Variants in ZNF385D observed in about 807,000 individuals in gnomAD.
ZNF385D encodes zinc finger protein 385D.
ZNF385D carries 15 observed loss-of-function variants against 35.8 expected under a neutral mutation model. The observed-to-expected ratio is 0.42, with a 90% confidence interval of 0.28 to 0.64. The LOEUF is 0.64. Among genes scored for constraint, ZNF385D ranks in the 30% least tolerant of loss-of-function variants. The probability of loss-of-function intolerance (pLI) is 0.23; values close to 1 mark genes in which losing one functional copy is unlikely to be tolerated. For missense variants in ZNF385D, 474 were observed against 494.6 expected, an observed-to-expected ratio of 0.96 and a Z score of 0.39; for synonymous variants, 212 against 186.8, an observed-to-expected ratio of 1.13 and a Z score of -1.10.
chr3:22,027,274 C>G (rs1697619702), intron 3 of ZNF385D, among the ~76,000 whole-genome samples: 1 of 152,178 alleles, frequency 6.6e-6, no homozygotes, highest in Non-Finnish European at 1.5e-5. Flanking sequence ...TACTCTGGCC[C>G]ATTTACTGAG....
At chr3:22,134,130 A>G (rs1703965243) in intron 3 of ZNF385D, 1 of 152,142 alleles carries the variant, frequency 6.6e-6, no homozygotes, top group African/African-American at 2.4e-5. Flanking sequence ...ACCAACAAAA[A>G]CAGATCATCA....
intron 3 of ZNF385D, among the ~76,000 whole-genome samples, chr3:22,029,909 C>G (rs259442): frequency 0.69 from 105,218 of 151,720 alleles, 36,997 homozygotes; most frequent in East Asian, 0.91. Context: ...TTGGATTGAA[C>G]GATATACAAA....
rs556508393 is a variant in ZNF385D at position 22,076,806 on chromosome 3, T to A, written c.325+92011A>T. ...AGTGACTTATTCTTGGACAAAATATTTGAAGTTCAAGATCATATTCTCCAT... is the reference window on the plus strand; with the variant it reads ...AGTGACTTATTCTTGGACAAAATATATGAAGTTCAAGATCATATTCTCCAT... On this transcript the variant is annotated intron_variant, in intron 3 of 5. Transcript: ENST00000494108. 1.6e-4 allele frequency among the ~76,000 whole-genome samples: 24 copies of A among 152,074 alleles called. 1 individual carries two copies. In the South Asian group the frequency reaches 5.0e-3, roughly 31 times the overall value.
chr3:21,628,731 AG>A lies in ZNF385D; in HGVS notation c.165+36154del, dbSNP rs750865585. ...GGCTTGGTAAGTCTAGGAAGGGGCC[AG>A]GGAATCTGAATTGTGATAAGCACTC... is the stretch of plus-strand genomic sequence containing the variant. On this transcript the variant is annotated intron_variant, in intron 2 of 7. Coordinates refer to ENST00000281523, the MANE Select transcript of ZNF385D (RefSeq NM_024697.3). Among the ~76,000 whole-genome samples the A allele has an allele frequency of 1.4e-4, 21 of 152,218 alleles. No individual in the cohort carries two copies. In the Middle Eastern group the frequency reaches 0.01, roughly 74 times the overall value.
At chr3:21,589,994 G>GACTC (rs1171540609) in intron 2 of ZNF385D, among the ~76,000 whole-genome samples, 1 of 152,048 alleles carries the variant, frequency 6.6e-6, no homozygotes, top group Non-Finnish European at 1.5e-5. Context: ...AGACTGTAAA[G>GACTC]ACTCATGCTA....
chr3:22,235,971 T>G (rs1226641323), intron 2 of ZNF385D, among the ~76,000 whole-genome samples: 1 of 152,142 alleles, frequency 6.6e-6, no homozygotes, highest in Admixed American at 6.6e-5. Context: ...TTTCTACAAA[T>G]TTCCTATGGA....
intron 3 of ZNF385D, among the ~76,000 whole-genome samples, chr3:22,120,899 G>A (rs368082628): frequency 1.3e-5 from 2 of 152,128 alleles, no homozygotes; most frequent in African/African-American, 4.8e-5. Flanking sequence ...AATGGCAGAA[G>A]AGAACTTTGA....
At chr3:22,293,150 T>C (rs555330493) in intron 2 of ZNF385D, among the ~76,000 whole-genome samples, 2 of 152,218 alleles carry the variant, frequency 1.3e-5, no homozygotes, top group South Asian at 4.1e-4. Flanking sequence ...AAAAAAGCCT[T>C]CATAGAAATC....
Position 21,533,767 on chromosome 3 carries a change from C to T in ZNF385D, c.277-22744G>A, listed in dbSNP as rs527747930. ...ACCATCTATCTATATTTTTAAAAGA[C>T]TATTTGATGGACATCCATGTTCAAA... is the stretch of plus-strand genomic sequence containing the variant. On this transcript the variant is annotated intron_variant, in intron 3 of 7. Coordinates refer to ENST00000281523, the MANE Select transcript of ZNF385D (RefSeq NM_024697.3). Among the ~76,000 whole-genome samples the T allele has an allele frequency of 2.0e-5, 3 of 152,186 alleles. No individual in the cohort carries two copies. The East Asian group carries it at 5.8e-4, about 29-fold the overall frequency.
At chr3:22,315,601 T>C (rs1221126193) in intron 2 of ZNF385D, among the ~76,000 whole-genome samples, 1 of 152,116 alleles carries the variant, frequency 6.6e-6, no homozygotes, top group African/African-American at 2.4e-5. Flanking sequence ...CTGACAATAG[T>C]GTTAAACACA....
chr3:21,899,986 T>G (rs574792094), intron 3 of ZNF385D, among the ~76,000 whole-genome samples: 2 of 152,062 alleles, frequency 1.3e-5, no homozygotes, highest in Non-Finnish European at 2.9e-5. Flanking sequence ...CGGTTTAAGT[T>G]AAGTGGTTGG....
At chr3:22,078,611 G>A (rs912877803) in intron 3 of ZNF385D, among the ~76,000 whole-genome samples, 3 of 152,040 alleles carry the variant, frequency 2.0e-5, no homozygotes, top group Non-Finnish European at 4.4e-5. Flanking sequence ...GTAATGCCTG[G>A]TCACCTTGTT....
intron 2 of ZNF385D, among the ~76,000 whole-genome samples, chr3:22,355,182 G>T (rs1696094178): frequency 6.6e-6 from 1 of 151,896 alleles, no homozygotes; most frequent in African/African-American, 2.4e-5. Context: ...CCATCAACTT[G>T]CAAAGAAAGT....
intron 2 of ZNF385D, among the ~76,000 whole-genome samples, chr3:22,283,569 A>C (rs767302547): frequency 1.3e-5 from 2 of 152,162 alleles, no homozygotes; most frequent in Non-Finnish European, 2.9e-5. Context: ...CTGGATCCAG[A>C]ATATATAAAG....
In ZNF385D at chr3:22,267,746, T is replaced by C. The variant is rs1700968827; in HGVS notation, c.107-98711A>G. Among the ~76,000 whole-genome samples the C allele has an allele frequency of 2.0e-5, 3 of 151,970 alleles. No individual in the cohort carries two copies. In the South Asian group the frequency reaches 6.2e-4, roughly 31 times the overall value. On this transcript the variant is annotated intron_variant, in intron 2 of 5. Transcript: ENST00000494108. ...ATGATGCGTATACAATTAAATGCTC[T>C]ATTTGGATTGCATTTCATCTATTAA...
At chr3:22,309,023 T>G (rs1575089311) in intron 2 of ZNF385D, among the ~76,000 whole-genome samples, 1 of 152,220 alleles carries the variant, frequency 6.6e-6, no homozygotes. Flanking sequence ...TTCCATTCTC[T>G]GTACTTGTAT....
upstream of ZNF385D, among the ~76,000 whole-genome samples, chr3:21,753,013 G>A (rs2070176162): frequency 6.6e-6 from 1 of 152,144 alleles, no homozygotes; most frequent in Admixed American, 6.5e-5. Context: ...GTAGTTGGAA[G>A]ATGCAAGCAT....
intron 1 of ZNF385D, among the ~76,000 whole-genome samples, chr3:21,714,139 G>C (rs2068222891): frequency 6.6e-6 from 1 of 152,128 alleles, no homozygotes; most frequent in Non-Finnish European, 1.5e-5. Context: ...GATTTGGTGA[G>C]AGAAGATATT....
chr3:22,077,334 A>G (rs1700514768), intron 3 of ZNF385D, among the ~76,000 whole-genome samples: 1 of 152,006 alleles, frequency 6.6e-6, no homozygotes, highest in South Asian at 2.1e-4. Flanking sequence ...CTGTCAAAAG[A>G]GCATCTTTTG....
Sources: gnomAD v4.1 joint callset for allele counts (sites outside exome capture counted in the v4.1 genomes callset) on GRCh38, gnomAD v4.1.1 for gene constraint, MANE v1.5 for transcripts, NCBI Gene and HGNC (gene_info 2026-07-23, HGNC 2026-07-21) for gene names.